NRG3: variants seen among roughly 807,000 people sequenced by gnomAD.
NRG3 encodes the protein neuregulin 3.
In NRG3, 31 loss-of-function variants were observed where a neutral mutation model predicts 66.9. That is an observed-to-expected ratio of 0.46 (90% CI 0.35 to 0.63). The LOEUF is 0.63. Ranked by LOEUF, NRG3 falls within the 20% of genes least tolerant of loss-of-function variation. The pLI is 0.00. For missense variants in NRG3, 910 were observed against 878.9 expected (o/e 1.04, Z -0.45); for synonymous variants, 393 against 359.4 (o/e 1.09, Z -1.06).
intron 1 of NRG3, among the ~76,000 whole-genome samples, chr10:82,187,977 T>C (rs956469210): frequency 6.7e-6 from 1 of 149,410 alleles, no homozygotes; most frequent in African/African-American, 2.5e-5. Context: ...AAACGTAAAA[T>C]GTATATGGAA....
intron 3 of NRG3, among the ~76,000 whole-genome samples, chr10:82,740,900 T>G (rs2134780770): frequency 6.6e-6 from 1 of 151,812 alleles, no homozygotes; most frequent in African/African-American, 2.4e-5. Flanking sequence ...GATAAAAAAT[T>G]ACTTTTATAT....
chr10:82,903,401 T>TAA (rs770874553), intron 4 of NRG3, among the ~76,000 whole-genome samples: 1 of 152,152 alleles, frequency 6.6e-6, no homozygotes, highest in Non-Finnish European at 1.5e-5. Context: ...TGCAGTACCT[T>TAA]AAACCTTGCA....
At position 81,974,926 on chromosome 10, in the gene NRG3, G is replaced by A. The variant is rs990102111; in HGVS notation, c.823+98763G>A. Among the ~76,000 whole-genome samples the A allele has an allele frequency of 3.0e-4, 45 of 152,068 alleles. 1 individual carries two copies. The highest frequency in any genetic ancestry group is 5.6e-4 in the Non-Finnish European group (38 of 67,994). ...GCCACCTGACTTTTAGCTACATAAC[G>A]TCTTAAAATCAACTGAAAGCAAGTG... On this transcript the variant is annotated intron_variant, in intron 1 of 8. Transcript: ENST00000372141.
At chr10:82,049,456 A>G (rs150251304) in intron 1 of NRG3, among the ~76,000 whole-genome samples, 1 of 152,008 alleles carries the variant, frequency 6.6e-6, no homozygotes, top group African/African-American at 2.4e-5. Context: ...CTTAAATCCT[A>G]CTTCTTTACA....
intron 1 of NRG3, among the ~76,000 whole-genome samples, chr10:82,071,140 A>C (rs2064783640): frequency 6.6e-6 from 1 of 152,180 alleles, no homozygotes. Context: ...TCATTGATTC[A>C]ATAACTAAAT....
At chr10:82,189,605 C>G (rs952868561) in intron 1 of NRG3, among the ~76,000 whole-genome samples, 4 of 152,026 alleles carry the variant, frequency 2.6e-5, no homozygotes, top group Non-Finnish European at 4.4e-5. Flanking sequence ...GTCTGGCCAG[C>G]GTGGTAAAGC....
intron 4 of NRG3, among the ~76,000 whole-genome samples, chr10:82,894,292 GA>G (rs1370607828): frequency 2.6e-5 from 4 of 151,742 alleles, no homozygotes; most frequent in South Asian, 2.1e-4. Context: ...TAATAAAGGA[GA>G]AAAAAATGAT....
At chr10:82,814,449 G>A (rs550267506) in intron 3 of NRG3, among the ~76,000 whole-genome samples, 3 of 152,236 alleles carry the variant, frequency 2.0e-5, no homozygotes, top group East Asian at 1.9e-4. Flanking sequence ...CCCAGAGGCC[G>A]CATGGGGCTT....
chr10:81,911,105 A>G (rs1845100871), intron 1 of NRG3, among the ~76,000 whole-genome samples: 1 of 152,060 alleles, frequency 6.6e-6, no homozygotes, highest in Admixed American at 6.6e-5. Flanking sequence ...TATGATAGCC[A>G]TTTCTTTCTC....
At chr10:82,408,192 A>G (rs2087773203) in intron 2 of NRG3, among the ~76,000 whole-genome samples, 1 of 152,206 alleles carries the variant, frequency 6.6e-6, no homozygotes, top group Non-Finnish European at 1.5e-5. Flanking sequence ...GAAGGAAACT[A>G]ATAAGATGTT....
chr10:82,103,327 G>T (rs1292655485), intron 1 of NRG3, among the ~76,000 whole-genome samples: 1 of 152,094 alleles, frequency 6.6e-6, no homozygotes, highest in Non-Finnish European at 1.5e-5. Context: ...TAGATTCAAA[G>T]TAATTTTGGG....
At chr10:81,926,367 C>T (rs996384626) in intron 1 of NRG3, among the ~76,000 whole-genome samples, 3 of 152,010 alleles carry the variant, frequency 2.0e-5, no homozygotes, top group South Asian at 2.1e-4. Context: ...GTAATACATC[C>T]GCCTTGGCCT....
At chr10:82,019,605 C>T (rs1036635558) in intron 1 of NRG3, among the ~76,000 whole-genome samples, 1 of 152,104 alleles carries the variant, frequency 6.6e-6, no homozygotes, top group African/African-American at 2.4e-5. Flanking sequence ...ATTATTGCCT[C>T]AATTTCAGGG....
At chr10:82,240,293 A>G (rs1039640585) in intron 1 of NRG3, among the ~76,000 whole-genome samples, 2 of 152,202 alleles carry the variant, frequency 1.3e-5, no homozygotes, top group Non-Finnish European at 2.9e-5. Flanking sequence ...TTGGTAAATT[A>G]TATGCATTTG....
intron 2 of NRG3, among the ~76,000 whole-genome samples, chr10:82,521,968 T>A (rs1292837538): frequency 6.6e-6 from 1 of 152,110 alleles, no homozygotes; most frequent in Non-Finnish European, 1.5e-5. Context: ...CAGTCTCATC[T>A]TCAGGCTCTA....
intron 2 of NRG3, among the ~76,000 whole-genome samples, chr10:82,476,960 T>C (rs1841838702): frequency 6.6e-6 from 1 of 152,202 alleles, no homozygotes; most frequent in South Asian, 2.1e-4. Flanking sequence ...TCCGAGTTCA[T>C]CCAGTTAATT....
At chr10:82,269,275 A>C (rs61863039) in intron 1 of NRG3, among the ~76,000 whole-genome samples, 1 of 151,982 alleles carries the variant, frequency 6.6e-6, no homozygotes, top group East Asian at 1.9e-4. Flanking sequence ...GAGCTTGCAC[A>C]GTGATAGTTA....
intron 1 of NRG3, among the ~76,000 whole-genome samples, chr10:82,136,475 TGGAGTCAGAAACATTA>T (rs2069357210): frequency 6.6e-6 from 1 of 152,176 alleles, no homozygotes; most frequent in Admixed American, 6.6e-5. Context: ...AGCCATGGCC[TGGAGTCAGAAACATTA>T]GGAATCTACT....
At chr10:82,349,958 A>G (rs1237121347) in intron 1 of NRG3, among the ~76,000 whole-genome samples, 1 of 151,960 alleles carries the variant, frequency 6.6e-6, no homozygotes. Flanking sequence ...ACCTGCGCCC[A>G]CTGTCTGGCA....
Sources: gnomAD v4.1 joint callset for allele counts (sites outside exome capture counted in the v4.1 genomes callset) on GRCh38, gnomAD v4.1.1 for gene constraint, MANE v1.5 for transcripts, NCBI Gene and HGNC (gene_info 2026-07-23, HGNC 2026-07-21) for gene names.